ARHGAP17: variants seen among roughly 807,000 people sequenced by gnomAD.
ARHGAP17 encodes the protein Rho GTPase activating protein 17, also known as rho GTPase-activating protein 17.
Under a neutral mutation model 99.5 loss-of-function variants are expected in ARHGAP17, and 57 were observed. The ratio of observed to expected loss-of-function variants is 0.57; its 90% confidence interval spans 0.46 to 0.71. The LOEUF is 0.71. Ranked by LOEUF, ARHGAP17 falls within the 30% of genes least tolerant of loss-of-function variation. The probability of loss-of-function intolerance (pLI) is 0.00; values close to 1 mark genes in which losing one functional copy is unlikely to be tolerated. For synonymous variants in ARHGAP17, 417 were observed against 429.6 expected, an observed-to-expected ratio of 0.97 and a Z score of 0.36; for missense variants, 1,000 against 1,122.4, an observed-to-expected ratio of 0.89 and a Z score of 1.56.
intron 19 of ARHGAP17, among the ~76,000 whole-genome samples, chr16:24,925,908 A>G (rs1445815396): frequency 6.6e-6 from 1 of 152,126 alleles, no homozygotes; most frequent in Non-Finnish European, 1.5e-5. Flanking sequence ...CAGCAGATCG[A>G]GACCATCTTG....
chr16:25,011,766 C>G (rs527898573), intron 1 of ARHGAP17, among the ~76,000 whole-genome samples: 2 of 151,982 alleles, frequency 1.3e-5, no homozygotes, highest in African/African-American at 2.4e-5. Flanking sequence ...TTATTAGAGG[C>G]TCTTTTGGTC....
intron 1 of ARHGAP17, among the ~76,000 whole-genome samples, chr16:24,991,073 T>C (rs1381950510): frequency 6.6e-6 from 1 of 152,152 alleles, no homozygotes; most frequent in African/African-American, 2.4e-5. Flanking sequence ...AATTCTAAGT[T>C]TCACTCTCAG....
chr16:24,960,113 T>C, intron 7 of ARHGAP17, 134 bp from the exon 8 acceptor site: 1 of 764,376 alleles, frequency 1.3e-6, no homozygotes, highest in Non-Finnish European at 2.2e-6. Flanking sequence ...ATCAACTGCC[T>C]GGTACAACCA....
intron 18 of ARHGAP17, among the ~76,000 whole-genome samples, chr16:24,934,626 A>T (rs898806808): frequency 1.4e-4 from 21 of 151,644 alleles, no homozygotes; most frequent in Admixed American, 7.2e-4. Flanking sequence ...GATAATTTTT[A>T]AAATTTTTTT....
At chr16:24,949,286 T>C (rs1297129233) in intron 13 of ARHGAP17, 118 bp downstream of exon 13, 2 of 701,722 alleles carry the variant, frequency 2.9e-6, no homozygotes, top group Non-Finnish European at 4.6e-6. Flanking sequence ...AGTGATGTGG[T>C]TTTTTTTGTT....
chr16:24,979,835 C>G (rs1004648774), intron 1 of ARHGAP17, among the ~76,000 whole-genome samples: 1 of 152,056 alleles, frequency 6.6e-6, no homozygotes, highest in Non-Finnish European at 1.5e-5. Context: ...CTTAGCCTCC[C>G]GAGTAGCTGG....
At chr16:24,987,095 G>C (rs1196234341) in intron 1 of ARHGAP17, among the ~76,000 whole-genome samples, 1 of 152,184 alleles carries the variant, frequency 6.6e-6, no homozygotes, top group African/African-American at 2.4e-5. Context: ...CTCTACCCAA[G>C]AGTTCAGCAA....
chr16:24,983,035 C>A (rs538131800), intron 1 of ARHGAP17, among the ~76,000 whole-genome samples: 2 of 102,900 alleles, frequency 1.9e-5, no homozygotes, highest in Non-Finnish European at 1.7e-5. Context: ...GACAGGGTCT[C>A]GTTCTGTCAC....
intron 1 of ARHGAP17, among the ~76,000 whole-genome samples, chr16:25,003,495 T>G (rs889707917): frequency 6.6e-6 from 1 of 152,112 alleles, no homozygotes; most frequent in Non-Finnish European, 1.5e-5. Flanking sequence ...AGTATAGCCA[T>G]GAGCCACCAT....
At chr16:24,997,641 G>A (rs954352462) in intron 1 of ARHGAP17, among the ~76,000 whole-genome samples, 1 of 152,192 alleles carries the variant, frequency 6.6e-6, no homozygotes, top group African/African-American at 2.4e-5. Context: ...GTAGAGCAGG[G>A]CACAGAGAGC....
chr16:24,947,875 C>T (rs902371464), intron 13 of ARHGAP17, among the ~76,000 whole-genome samples: 1 of 152,158 alleles, frequency 6.6e-6, no homozygotes, highest in African/African-American at 2.4e-5. Context: ...CCTTTATGTC[C>T]TATCTATTCT....
intron 1 of ARHGAP17, among the ~76,000 whole-genome samples, chr16:24,996,387 C>A (rs1163257936): frequency 6.6e-6 from 1 of 152,188 alleles, no homozygotes; most frequent in Non-Finnish European, 1.5e-5. Context: ...AAAAAAATTT[C>A]TTCAGCGTTA....
At chr16:24,925,954 C>T (rs900262745) in intron 19 of ARHGAP17, among the ~76,000 whole-genome samples, 1 of 151,456 alleles carries the variant, frequency 6.6e-6, no homozygotes, top group African/African-American at 2.4e-5. Flanking sequence ...ACTAAAAATA[C>T]AAAAAATTAG....
In ARHGAP17 at chr16:24,920,278, G is replaced by A. The variant is rs779818473; in HGVS notation, c.2516-18C>T. The A allele has an allele frequency of 1.9e-6, 3 of 1,613,684 alleles. No individual in the cohort carries two copies. The highest frequency in any genetic ancestry group is 1.7e-4 in the Middle Eastern group (1 of 6,056). ...ATTGGAGTCTGGACAAAAACACGAG[G>A]AGACATGGTATCAATGAGGGGTAAC... On this transcript the variant is annotated intron_variant, in intron 19 of 19. Transcript: ENST00000289968.
At chr16:24,995,254 T>C (rs917140713) in intron 1 of ARHGAP17, among the ~76,000 whole-genome samples, 3 of 152,194 alleles carry the variant, frequency 2.0e-5, no homozygotes, top group East Asian at 1.9e-4. Context: ...ATACCCATTT[T>C]AGAGATTTAG....
rs113271966 is a variant in ARHGAP17 at position 24,943,724 on chromosome 16, GA to G, written c.1333+46del. On this transcript the variant is annotated intron_variant, in intron 15 of 19. Transcript: ENST00000289968. ...ATTCTCTTAAGAAGACTTTTTGTAC[GA>G]TTATCACATTGCTTTGGCGGTCAAT... is the stretch of plus-strand genomic sequence containing the variant. The G allele has an allele frequency of 3.2e-3, 4,857 of 1,528,284 alleles. 131 individuals are homozygous for G. The African/African-American group carries it at 0.058, about 18-fold the overall frequency. 94.7% of individuals were successfully genotyped at this position (1,528,284 alleles called of 1,614,324 possible).
At chr16:24,963,184 A>C (rs1265565224) in intron 7 of ARHGAP17, among the ~76,000 whole-genome samples, 1 of 152,252 alleles carries the variant, frequency 6.6e-6, no homozygotes, top group Non-Finnish European at 1.5e-5. Context: ...GACCACAAAT[A>C]AGCCAATGTG....
At chr16:25,015,169 C>CT in intron 1 of ARHGAP17, 40 bp downstream of exon 1, 1 of 1,257,610 alleles carries the variant, frequency 8.0e-7, no homozygotes, top group African/African-American at 1.6e-5. Flanking sequence ...CCCTCCGCCC[C>CT]CAGCCCCGGT....
intron 1 of ARHGAP17, among the ~76,000 whole-genome samples, chr16:25,002,565 GA>G (rs2053391856): frequency 6.6e-6 from 1 of 152,194 alleles, no homozygotes; most frequent in Non-Finnish European, 1.5e-5. Context: ...AACTGGAACA[GA>G]AGCTTTTCTA....
Sources: gnomAD v4.1 joint callset for allele counts (sites outside exome capture counted in the v4.1 genomes callset) on GRCh38, gnomAD v4.1.1 for gene constraint, MANE v1.5 for transcripts, NCBI Gene and HGNC (gene_info 2026-07-23, HGNC 2026-07-21) for gene names.